Variants in EYA1 observed in about 807,000 individuals in gnomAD.
EYA1 encodes the protein protein phosphatase EYA1.
EYA1 carries 16 observed loss-of-function variants against 82.0 expected under a neutral mutation model. That is an observed-to-expected ratio of 0.20 (90% CI 0.13 to 0.30). The LOEUF is 0.30. EYA1 is among the 10% of genes least tolerant of loss of function. The probability of loss-of-function intolerance (pLI) is 1.00; values close to 1 mark genes in which losing one functional copy is unlikely to be tolerated. For missense variants in EYA1, 633 were observed against 730.7 expected (o/e 0.87, Z 1.54); for synonymous variants, 261 against 264.4 (o/e 0.99, Z 0.12).
chr8:71,479,067 G>A (rs574999343), intron 2 of EYA1, among the ~76,000 whole-genome samples: 1 of 152,256 alleles, frequency 6.6e-6, no homozygotes, highest in East Asian at 1.9e-4. Context: ...CCTGTGAGGT[G>A]CTATGTGATA....
chr8:71,537,421 G>A (rs1474224392), intron 1 of EYA1, among the ~76,000 whole-genome samples: 1 of 152,104 alleles, frequency 6.6e-6, no homozygotes, highest in African/African-American at 2.4e-5. Context: ...TGCATAATTA[G>A]GGAAGAGATA....
rs73288362 is a variant in EYA1, at chr8:71,272,501, C to T, written c.827-604G>A. On this transcript the variant is annotated intron_variant, in intron 9 of 17. Transcript: ENST00000340726. ...ACACTGTCCATCACCGGCTCTTCCTCGGTCCTAGTCCCTTTGAACCAAACA... is the reference window on the plus strand; with the variant it reads ...ACACTGTCCATCACCGGCTCTTCCTTGGTCCTAGTCCCTTTGAACCAAACA... Among the ~76,000 whole-genome samples, 1,419 of 152,258 alleles carry T rather than the reference C, an allele frequency of 9.3e-3. 28 individuals are homozygous for T. Among genetic ancestry groups the T allele is most frequent in the African/African-American group, 0.032 (1,348 of 41,540 alleles).
In EYA1 at chr8:71,215,684, C is replaced by A; in HGVS notation, c.1405G>T (p.Ala469Ser). 1.2e-6 allele frequency: 2 copies of A among 1,614,144 alleles called. No homozygotes were observed. The highest frequency in any genetic ancestry group is 8.5e-7 in the Non-Finnish European group (1 of 1,179,994). ...AKREAWLQLR[A>S]EIEALTDSWL... ...GAGTCGGTCAGGGCTTCAATTTCGGCCCTCAACTGCAGCCAGGCTTCCCTC... is the reference window on the plus strand; with the variant it reads ...GAGTCGGTCAGGGCTTCAATTTCGGACCTCAACTGCAGCCAGGCTTCCCTC... The change falls in exon 15 of 18, where the codon GCC (alanine) becomes TCC (serine). Residue 469 changes from alanine (A) to serine (S), a missense_variant. Coordinates refer to ENST00000340726, the MANE Select transcript of EYA1 (RefSeq NM_000503.6).
intron 7 of EYA1, among the ~76,000 whole-genome samples, chr8:71,308,976 C>T (rs187869874): frequency 3.8e-4 from 58 of 152,276 alleles, no homozygotes; most frequent in Middle Eastern, 3.4e-3. Context: ...TCATCAAGCA[C>T]GATCTATGTG....
chr8:71,447,045 G>A (rs1440662649), intron 2 of EYA1, among the ~76,000 whole-genome samples: 8 of 150,534 alleles, frequency 5.3e-5, no homozygotes, highest in Non-Finnish European at 8.9e-5. Context: ...GAAGTTAGCG[G>A]AACTGTCATG....
At chr8:71,250,047 T>G (rs552611966) in intron 11 of EYA1, among the ~76,000 whole-genome samples, 146 of 152,234 alleles carry the variant, frequency 9.6e-4, no homozygotes, top group African/African-American at 3.2e-3. Context: ...GTTTTTTTTT[T>G]TTCCCCTTAG....
chr8:71,398,670 G>C (rs1317829771), intron 2 of EYA1, among the ~76,000 whole-genome samples: 6 of 152,188 alleles, frequency 3.9e-5, no homozygotes, highest in Non-Finnish European at 8.8e-5. Context: ...TCGTCTCAGA[G>C]GGGCATCCAG....
intron 2 of EYA1, among the ~76,000 whole-genome samples, chr8:71,418,755 C>T (rs75175867): frequency 0.015 from 2,293 of 152,128 alleles, 61 homozygotes; most frequent in African/African-American, 0.052. Flanking sequence ...AAATCTGTCC[C>T]AGATGACGAT....
At chr8:71,514,140 G>A (rs1812796346) in intron 2 of EYA1, among the ~76,000 whole-genome samples, 1 of 152,218 alleles carries the variant, frequency 6.6e-6, no homozygotes, top group African/African-American at 2.4e-5. Flanking sequence ...CTTATTTTAT[G>A]TATATACACA....
intron 2 of EYA1, among the ~76,000 whole-genome samples, chr8:71,510,725 C>A (rs1485311041): frequency 6.6e-6 from 1 of 152,132 alleles, no homozygotes; most frequent in Non-Finnish European, 1.5e-5. Flanking sequence ...GGTGTGGACA[C>A]AGAGCCAAAC....
intron 17 of EYA1, among the ~76,000 whole-genome samples, chr8:71,208,638 T>C (rs1214215722): frequency 6.6e-6 from 1 of 152,028 alleles, no homozygotes; most frequent in Non-Finnish European, 1.5e-5. Flanking sequence ...TAATGATGAG[T>C]TGACGGATGC....
At chr8:71,384,790 G>A (rs964025359) in intron 2 of EYA1, among the ~76,000 whole-genome samples, 5 of 152,062 alleles carry the variant, frequency 3.3e-5, no homozygotes, top group Admixed American at 2.6e-4. Flanking sequence ...TAGGAAAATC[G>A]TTACATTCAC....
chr8:71,519,847 C>T (rs1174646294), intron 2 of EYA1, among the ~76,000 whole-genome samples: 3 of 152,060 alleles, frequency 2.0e-5, no homozygotes, highest in Admixed American at 1.3e-4. Flanking sequence ...ATTTCTGGAG[C>T]CTGCTGGCCT....
intron 2 of EYA1, among the ~76,000 whole-genome samples, chr8:71,501,079 A>T (rs939368624): frequency 2.6e-5 from 4 of 152,236 alleles, no homozygotes; most frequent in African/African-American, 9.6e-5. Context: ...ATAATAACTC[A>T]TACTGCCATT....
intron 12 of EYA1, among the ~76,000 whole-genome samples, chr8:71,221,019 A>G (rs968337460): frequency 1.3e-5 from 2 of 152,254 alleles, no homozygotes; most frequent in African/African-American, 2.4e-5. Context: ...AATTAAAATC[A>G]TGGTAAATCC....
rs35579621 is a variant in EYA1, at chr8:71,522,619, CTT to C, written c.33+13123_33+13124del. On this transcript the variant is annotated intron_variant, in intron 2 of 18. Coordinates refer to the EYA1 transcript ENST00000643681. Reference sequence around the variant, plus strand: ...TGGAAAATTCTGCTATCAATACAAACTTTTTTTTTTTTTTTTTTTGAGACAGG... The same window carrying C: ...TGGAAAATTCTGCTATCAATACAAACTTTTTTTTTTTTTTTTTGAGACAGG... Among the ~76,000 whole-genome samples, 687 of 135,492 alleles carry C rather than the reference CTT, an allele frequency of 5.1e-3. 6 individuals carry two copies. Among genetic ancestry groups the C allele is most frequent in the African/African-American group, 0.017 (615 of 36,828 alleles). The allele number at this position is 135,492 out of a possible 152,430, so 88.9% of individuals were successfully genotyped here. A position where few individuals can be genotyped will look rare whatever the true frequency, so the allele number is the denominator to read the frequency against.
rs992662535 is a variant in EYA1 at position 71,443,404 on chromosome 8, G to A, written c.34-86893C>T. Among the ~76,000 whole-genome samples, 4 of 152,224 alleles carry A rather than the reference G, an allele frequency of 2.6e-5. No individual in the cohort carries two copies. In the East Asian group the frequency reaches 7.7e-4, roughly 29 times the overall value. On this transcript the variant is annotated intron_variant, in intron 2 of 18. Coordinates refer to the EYA1 transcript ENST00000643681. ...CCTCCCAGATTCAAGCAATTATTGT[G>A]CCTTAGCCACTTGGGTAAAGCACGT... is the stretch of plus-strand genomic sequence containing the variant.
intron 2 of EYA1, among the ~76,000 whole-genome samples, chr8:71,447,275 T>C (rs775582732): frequency 4.0e-4 from 61 of 152,044 alleles, no homozygotes; most frequent in Non-Finnish European, 5.9e-4. Flanking sequence ...TGGCTACCTA[T>C]CACCATTCCT....
At chr8:71,298,240 C>CTA (rs1819800504) in intron 9 of EYA1, among the ~76,000 whole-genome samples, 3 of 152,150 alleles carry the variant, frequency 2.0e-5, no homozygotes, top group Non-Finnish European at 1.5e-5. Context: ...ATGGAGTGGG[C>CTA]TTTAGCTCTG....
Sources: gnomAD v4.1 joint callset for allele counts (sites outside exome capture counted in the v4.1 genomes callset) on GRCh38, gnomAD v4.1.1 for gene constraint, MANE v1.5 for transcripts, NCBI Gene and HGNC (gene_info 2026-07-23, HGNC 2026-07-21) for gene names.